Variants in CEP112 observed in about 807,000 individuals in gnomAD.
CEP112 encodes the protein centrosomal protein 112.
In CEP112, 127 loss-of-function variants were observed where a neutral mutation model predicts 153.0. The ratio of observed to expected loss-of-function variants is 0.83; its 90% confidence interval spans 0.72 to 0.96. CEP112 has a LOEUF of 0.96. Ranked by LOEUF, CEP112 falls within the 40% of genes least tolerant of loss-of-function variation. CEP112 has a pLI of 0.00. For missense variants in CEP112, 1,089 were observed against 1,101.2 expected (o/e 0.99, Z 0.16); for synonymous variants, 358 against 374.4 (o/e 0.96, Z 0.51).
chr17:65,729,852 G>A (rs1006749086), intron 23 of CEP112, among the ~76,000 whole-genome samples: 2 of 152,276 alleles, frequency 1.3e-5, no homozygotes, highest in African/African-American at 2.4e-5. Context: ...GTTGGAGGCT[G>A]CAGAGAGCCA....
intron 21 of CEP112, among the ~76,000 whole-genome samples, chr17:65,846,465 T>A (rs1007120010): frequency 2.6e-5 from 4 of 152,280 alleles, no homozygotes; most frequent in African/African-American, 9.6e-5. Context: ...GTATTTATAA[T>A]GATTTGAGAT....
chr17:65,869,120 T>G (rs1287258887), intron 20 of CEP112, among the ~76,000 whole-genome samples: 1 of 152,244 alleles, frequency 6.6e-6, no homozygotes, highest in African/African-American at 2.4e-5. Context: ...TGCTGCATTC[T>G]AACCTGCAAA....
intron 19 of CEP112, among the ~76,000 whole-genome samples, chr17:65,919,598 G>A (rs898772322): frequency 2.0e-5 from 3 of 152,042 alleles, no homozygotes; most frequent in Non-Finnish European, 4.4e-5. Flanking sequence ...CAGAGAAGTC[G>A]GTCTGTCAAG....
chr17:65,923,725 T>C (rs1363703643), intron 19 of CEP112, among the ~76,000 whole-genome samples: 4 of 152,190 alleles, frequency 2.6e-5, no homozygotes, highest in Non-Finnish European at 2.9e-5. Context: ...ATCATAACCC[T>C]AACCCATAAT....
intron 5 of CEP112, among the ~76,000 whole-genome samples, chr17:66,130,314 T>C (rs549755603): frequency 2.0e-5 from 3 of 152,196 alleles, no homozygotes; most frequent in Non-Finnish European, 4.4e-5. Flanking sequence ...ACAGTAGCTT[T>C]AAAGTGTATT....
chr17:65,719,808 A>G (rs4791137), intron 23 of CEP112, among the ~76,000 whole-genome samples: 17,355 of 152,198 alleles, frequency 0.11, 2,000 homozygotes, highest in African/African-American at 0.29. Context: ...GCAGGAAAGG[A>G]AGAGGAGACA....
chr17:65,913,524 A>T, intron 19 of CEP112: 5 of 985,366 alleles, frequency 5.1e-6, no homozygotes, highest in Non-Finnish European at 6.0e-6. Context: ...ACAGAAATAG[A>T]ATGTGTCATT....
chr17:65,906,265 C>T (rs1374592101), intron 19 of CEP112, among the ~76,000 whole-genome samples: 2 of 107,352 alleles, frequency 1.9e-5, no homozygotes, highest in African/African-American at 3.4e-5. Context: ...AGGGGCCTGT[C>T]GGGGGGGTAG....
intron 17 of CEP112, among the ~76,000 whole-genome samples, chr17:65,979,858 T>A (rs1024866904): frequency 6.6e-6 from 1 of 152,142 alleles, no homozygotes; most frequent in Non-Finnish European, 1.5e-5. Flanking sequence ...AAACCTTGCA[T>A]GATGAATTGG....
At chr17:65,923,757 T>C (rs896144280) in intron 19 of CEP112, among the ~76,000 whole-genome samples, 1 of 152,120 alleles carries the variant, frequency 6.6e-6, no homozygotes, top group African/African-American at 2.4e-5. Context: ...TCCATAGTCA[T>C]GTATAATCTT....
chr17:65,746,036 A>G (rs1013364052), intron 22 of CEP112, among the ~76,000 whole-genome samples: 4 of 151,952 alleles, frequency 2.6e-5, no homozygotes, highest in Non-Finnish European at 5.9e-5. Flanking sequence ...GTGGTGACAC[A>G]TGCCTGTAAT....
chr17:65,795,174 T>C (rs536362492), intron 21 of CEP112, among the ~76,000 whole-genome samples: 5 of 152,244 alleles, frequency 3.3e-5, no homozygotes, highest in African/African-American at 9.6e-5. Context: ...TAGTGGGAGG[T>C]AGGATTTGAA....
chr17:65,780,578 T>C (rs10512505), intron 21 of CEP112, among the ~76,000 whole-genome samples: 80,568 of 151,888 alleles, frequency 0.53, 23,202 homozygotes, highest in Non-Finnish European at 0.66. Context: ...TTCTAAGTCT[T>C]TGACACTGTT....
intron 21 of CEP112, among the ~76,000 whole-genome samples, chr17:65,849,219 A>G (rs1479839038): frequency 6.6e-6 from 1 of 152,204 alleles, no homozygotes; most frequent in Non-Finnish European, 1.5e-5. Context: ...GCCATCCAAC[A>G]TATCTACTAA....
chr17:65,792,300 A>T (rs2054635791), intron 21 of CEP112, among the ~76,000 whole-genome samples: 1 of 152,228 alleles, frequency 6.6e-6, no homozygotes, highest in Admixed American at 6.5e-5. Context: ...ACAGATCGTA[A>T]TGGGGACTCT....
chr17:66,053,793 A>G lies in CEP112; in HGVS notation c.1161T>C (p.Asp387=), dbSNP rs755559053. ...CCATTTTATTCAGACGCACATTTGT[A>G]TCCTCAAGCAATTCTTGAATGTTTT... ...HTENIQELLE[D]TNVRLNKMES... The change falls in exon 12 of 27, where the codon GAT becomes GAC. Residue 387 remains aspartate, a synonymous_variant. Coordinates refer to ENST00000535342, the MANE Select transcript of CEP112 (RefSeq NM_001199165.4). 2 of 1,613,484 alleles carry G rather than the reference A, an allele frequency of 1.2e-6. No homozygotes were observed. Among genetic ancestry groups the G allele is most frequent in the Non-Finnish European group, 1.7e-6 (2 of 1,179,692 alleles).
intron 19 of CEP112, among the ~76,000 whole-genome samples, chr17:65,916,926 G>GA (rs567730976): frequency 3.3e-5 from 5 of 149,720 alleles, no homozygotes; most frequent in African/African-American, 7.3e-5. Flanking sequence ...CAGGCCAAAA[G>GA]AAAAAAAAAG....
At chr17:65,776,977 A>G (rs539905616) in intron 21 of CEP112, among the ~76,000 whole-genome samples, 68 of 152,314 alleles carry the variant, frequency 4.5e-4, no homozygotes, top group Admixed American at 2.5e-3. Context: ...AGTTGTTTCC[A>G]TAACACCTAT....
chr17:66,160,836 A>G (rs1350564471), intron 4 of CEP112, among the ~76,000 whole-genome samples: 1 of 152,198 alleles, frequency 6.6e-6, no homozygotes, highest in African/African-American at 2.4e-5. Context: ...AAAATTGACA[A>G]ATGGAATCTA....
Sources: allele counts gnomAD v4.1 joint callset (sites outside exome capture counted in the v4.1 genomes callset), GRCh38; gene constraint gnomAD v4.1.1; transcripts MANE v1.5; gene names NCBI Gene and HGNC (gene_info 2026-07-23, HGNC 2026-07-21).